The following NEO1 variants were observed in gnomAD, a reference collection of about 807,000 sequenced individuals.
NEO1 encodes neogenin 1, also known as neogenin.
In NEO1, 63 loss-of-function variants were observed where a neutral mutation model predicts 159.7. That is an observed-to-expected ratio of 0.39 (90% CI 0.32 to 0.49). The LOEUF (loss-of-function observed/expected upper bound fraction) is 0.49. Ranked by LOEUF, NEO1 falls within the 20% of genes least tolerant of loss-of-function variation. The pLI is 0.85. For missense variants in NEO1, 1,615 were observed against 1,831.0 expected (o/e 0.88, Z 2.15); for synonymous variants, 633 against 662.0 (o/e 0.96, Z 0.67).
At chr15:73,064,033 G>A (rs186163254) in intron 1 of NEO1, among the ~76,000 whole-genome samples, 15 of 152,272 alleles carry the variant, frequency 9.9e-5, no homozygotes, top group East Asian at 9.6e-4. Context: ...AGGAGTTAGC[G>A]TTTGCCACTT....
intron 5 of NEO1, among the ~76,000 whole-genome samples, chr15:73,140,155 T>A (rs2032239236): frequency 2.0e-5 from 3 of 152,218 alleles, no homozygotes; most frequent in Non-Finnish European, 2.9e-5. Flanking sequence ...GCTCAACAAA[T>A]ACCAGACATT....
chr15:73,272,607 C>T (rs773131986), intron 19 of NEO1, 45 bp downstream of exon 19: 3 of 1,323,404 alleles, frequency 2.3e-6, no homozygotes, highest in Non-Finnish European at 1.1e-6. Flanking sequence ...CTCTTCCTGC[C>T]TGACAGGAGT....
At chr15:73,297,792 T>C (rs984153752) in intron 26 of NEO1, among the ~76,000 whole-genome samples, 1 of 152,234 alleles carries the variant, frequency 6.6e-6, no homozygotes, top group African/African-American at 2.4e-5. Flanking sequence ...TCTGGGCTGC[T>C]CTGTTTGTTG....
chr15:73,239,352 G>A (rs184580268), intron 8 of NEO1, among the ~76,000 whole-genome samples: 1 of 152,216 alleles, frequency 6.6e-6, no homozygotes, highest in Admixed American at 6.5e-5. Context: ...CTGTCCTATA[G>A]ACATACAGAT....
chr15:73,159,160 C>T (rs563023480), intron 5 of NEO1, among the ~76,000 whole-genome samples: 20 of 152,134 alleles, frequency 1.3e-4, no homozygotes, highest in African/African-American at 2.9e-4. Flanking sequence ...TTATTTAGAA[C>T]GAGAAAAGAA....
chr15:73,183,100 G>A (rs1056294809), intron 7 of NEO1, among the ~76,000 whole-genome samples: 4 of 152,102 alleles, frequency 2.6e-5, no homozygotes, highest in African/African-American at 9.7e-5. Flanking sequence ...CTTTTCCTTG[G>A]GGCTCCACAG....
At chr15:73,075,633 G>C (rs2068734505) in intron 1 of NEO1, among the ~76,000 whole-genome samples, 1 of 132,380 alleles carries the variant, frequency 7.6e-6, no homozygotes, top group Non-Finnish European at 1.7e-5. Flanking sequence ...AAGGGTGTCA[G>C]TGTAAACACT....
chr15:73,264,455 T>C (rs2040789501), intron 15 of NEO1, among the ~76,000 whole-genome samples: 1 of 152,134 alleles, frequency 6.6e-6, no homozygotes, highest in Non-Finnish European at 1.5e-5. Flanking sequence ...AAAATAGCGT[T>C]TGAAATAGAG....
intron 2 of NEO1, among the ~76,000 whole-genome samples, chr15:73,122,264 A>G (rs1015246536): frequency 4.0e-5 from 6 of 151,760 alleles, no homozygotes; most frequent in Admixed American, 2.6e-4. Context: ...GACCAGTACC[A>G]TAGGACTTAT....
chr15:73,157,780 A>G (rs1480855001), intron 5 of NEO1, among the ~76,000 whole-genome samples: 2 of 152,206 alleles, frequency 1.3e-5, no homozygotes, highest in Non-Finnish European at 2.9e-5. Context: ...CTTGGAGAGA[A>G]ACTTGAAATT....
At chr15:73,123,622 A>G (rs1283554695) in intron 3 of NEO1, among the ~76,000 whole-genome samples, 3 of 151,972 alleles carry the variant, frequency 2.0e-5, no homozygotes, top group African/African-American at 7.3e-5. Context: ...GGTGTTCCTC[A>G]TAATCAATTT....
At chr15:73,201,066 C>G (rs1177438112) in intron 7 of NEO1, among the ~76,000 whole-genome samples, 2 of 152,008 alleles carry the variant, frequency 1.3e-5, no homozygotes, top group African/African-American at 4.8e-5. Context: ...GCTTCTCTTT[C>G]TTTTTCCCTT....
At chr15:73,119,377 A>G (rs1339488005) in intron 2 of NEO1, among the ~76,000 whole-genome samples, 1 of 152,210 alleles carries the variant, frequency 6.6e-6, no homozygotes, top group East Asian at 1.9e-4. Flanking sequence ...AAGTCAAGCA[A>G]GAAGGGAAGT....
intron 7 of NEO1, among the ~76,000 whole-genome samples, chr15:73,191,384 G>C (rs1255084230): frequency 6.6e-6 from 1 of 150,978 alleles, no homozygotes; most frequent in Non-Finnish European, 1.5e-5. Flanking sequence ...GAATTCAATA[G>C]TCAGCATTAA....
chr15:73,291,491 C>CT (rs2042163064), intron 25 of NEO1, among the ~76,000 whole-genome samples: 1 of 152,114 alleles, frequency 6.6e-6, no homozygotes. Flanking sequence ...CACTTGTGGT[C>CT]TTTAGGTTTT....
At chr15:73,277,071 A>G (rs531393555) in intron 21 of NEO1, among the ~76,000 whole-genome samples, 18 of 152,352 alleles carry the variant, frequency 1.2e-4, no homozygotes, top group Non-Finnish European at 2.4e-4. Flanking sequence ...CTGTGTTACA[A>G]TGAGAAAACT....
chr15:73,303,864 T>C lies in NEO1; in HGVS notation c.*1168T>C, dbSNP rs2042703269. On this transcript the variant is annotated 3_prime_UTR_variant, in exon 29 of 29. Transcript: ENST00000261908. The stretch of plus-strand genomic sequence containing the variant: ...GGATGGAGACCCTTTCCTGCTGCTA[T>C]TATTGGCTCTCTTTGAGGAAGTTGG... 6.6e-6 allele frequency: 1 copy of C among 152,244 alleles called. No homozygotes were observed. Among genetic ancestry groups the C allele is most frequent in the Non-Finnish European group, 1.5e-5 (1 of 68,068 alleles). 9.4% of individuals were successfully genotyped at this position (152,244 alleles called of 1,614,324 possible). A position where few individuals can be genotyped will look rare whatever the true frequency, so the allele number is the denominator to read the frequency against.
At chr15:73,141,646 G>A (rs2032396730) in intron 5 of NEO1, among the ~76,000 whole-genome samples, 1 of 152,146 alleles carries the variant, frequency 6.6e-6, no homozygotes, top group Non-Finnish European at 1.5e-5. Context: ...TACCACTTAA[G>A]TTTTAAACCT....
At chr15:73,283,227 T>A in intron 23 of NEO1, 116 bp downstream of exon 23, 1 of 1,212,706 alleles carries the variant, frequency 8.2e-7, no homozygotes, top group South Asian at 1.5e-5. Flanking sequence ...TGAAAAGGAA[T>A]TTAAGATATT....
Sources: allele counts gnomAD v4.1 joint callset (sites outside exome capture counted in the v4.1 genomes callset), GRCh38; gene constraint gnomAD v4.1.1; transcripts MANE v1.5; gene names NCBI Gene and HGNC (gene_info 2026-07-23, HGNC 2026-07-21).